The following FOXN3 variants were observed in gnomAD, a reference collection of about 807,000 sequenced individuals.
The protein encoded by FOXN3 is forkhead box N3.
FOXN3 carries 7 observed loss-of-function variants against 38.4 expected under a neutral mutation model. That is an observed-to-expected ratio of 0.18 (90% CI 0.10 to 0.34). FOXN3 has a LOEUF of 0.34. FOXN3 is among the 10% of genes least tolerant of loss of function. The pLI, the probability that FOXN3 is intolerant of heterozygous loss-of-function variation, is 1.00. For missense variants in FOXN3, 456 were observed against 613.4 expected, an observed-to-expected ratio of 0.74 and a Z score of 2.71; for synonymous variants, 230 against 242.2, an observed-to-expected ratio of 0.95 and a Z score of 0.47.
At chr14:89,194,630 T>C (rs1056499025) in intron 4 of FOXN3, among the ~76,000 whole-genome samples, 3 of 152,076 alleles carry the variant, frequency 2.0e-5, no homozygotes, top group African/African-American at 7.3e-5. Flanking sequence ...AGATAAGAGA[T>C]ACTATAATGC....
At chr14:89,508,202 A>G (rs919368018) in intron 1 of FOXN3, among the ~76,000 whole-genome samples, 11 of 152,200 alleles carry the variant, frequency 7.2e-5, no homozygotes, top group African/African-American at 2.2e-4. Context: ...CTGGGTGCAT[A>G]AGGGACCTGG....
chr14:89,235,443 T>C (rs1339672148), intron 4 of FOXN3, among the ~76,000 whole-genome samples: 1 of 152,196 alleles, frequency 6.6e-6, no homozygotes, highest in Non-Finnish European at 1.5e-5. Context: ...GTTGTGACCC[T>C]GGAGGTTTCC....
chr14:89,278,237 A>C (rs903990657), intron 4 of FOXN3, among the ~76,000 whole-genome samples: 23 of 152,208 alleles, frequency 1.5e-4, no homozygotes, highest in African/African-American at 5.6e-4. Flanking sequence ...AGGGAGAATG[A>C]AAGCCAAGCA....
intron 2 of FOXN3, among the ~76,000 whole-genome samples, chr14:89,376,632 C>A (rs1369737079): frequency 1.3e-5 from 2 of 152,168 alleles, no homozygotes; most frequent in African/African-American, 2.4e-5. Context: ...CCCTTGGCCG[C>A]TGATCAGACT....
Position 89,225,713 on chromosome 14 carries a change from G to A in FOXN3, c.746-44907C>T, listed in dbSNP as rs529158908. On this transcript the variant is annotated intron_variant, in intron 4 of 5. Coordinates refer to ENST00000557258, the MANE Select transcript of FOXN3 (RefSeq NM_005197.4). ...CCCTCACTGTCCTGAAGCATCATCC[G>A]CTGACCTGAGTTTGCCTTACACACA... Among the ~76,000 whole-genome samples the A allele has an allele frequency of 3.5e-3, 529 of 152,218 alleles. 3 individuals carry two copies. Among genetic ancestry groups the A allele is most frequent in the South Asian group, 0.018 (89 of 4,814 alleles).
chr14:89,373,818 T>C (rs1319641137), intron 2 of FOXN3, among the ~76,000 whole-genome samples: 2 of 152,212 alleles, frequency 1.3e-5, no homozygotes, highest in East Asian at 1.9e-4. Context: ...GTAAAAGTTT[T>C]ACTATTCAAA....
At chr14:89,544,378 A>T (rs2139852976) in intron 1 of FOXN3, among the ~76,000 whole-genome samples, 1 of 151,830 alleles carries the variant, frequency 6.6e-6, no homozygotes, top group Non-Finnish European at 1.5e-5. Context: ...CTGTCTCCCA[A>T]GCTGGAATGT....
intron 4 of FOXN3, among the ~76,000 whole-genome samples, chr14:89,235,675 G>A (rs1884957476): frequency 6.6e-6 from 1 of 152,170 alleles, no homozygotes; most frequent in African/African-American, 2.4e-5. Context: ...TAGTCCAGGT[G>A]GGCCCAGTGT....
At chr14:89,174,006 A>C (rs1282686406) in intron 5 of FOXN3, among the ~76,000 whole-genome samples, 5 of 152,140 alleles carry the variant, frequency 3.3e-5, no homozygotes, top group Non-Finnish European at 5.9e-5. Flanking sequence ...TAAATAAATA[A>C]ATAAAAATAA....
chr14:89,611,602 C>T (rs371261442), intron 1 of FOXN3, among the ~76,000 whole-genome samples: 21 of 152,140 alleles, frequency 1.4e-4, no homozygotes, highest in Middle Eastern at 3.4e-3. Flanking sequence ...GTCAGGAGAT[C>T]GAGACCATCC....
At chr14:89,360,980 T>C (rs371703246) in intron 2 of FOXN3, among the ~76,000 whole-genome samples, 6 of 362 alleles carry the variant, frequency 0.017, 1 homozygote, top group African/African-American at 0.031. Context: ...CCTCCACCAC[T>C]ACCACCTCCA....
chr14:89,404,883 CTAAT>C (rs1282047314), intron 2 of FOXN3, among the ~76,000 whole-genome samples: 1 of 152,182 alleles, frequency 6.6e-6, no homozygotes, highest in East Asian at 1.9e-4. Context: ...CAACATTACA[CTAAT>C]TCTTAGGAAT....
intron 2 of FOXN3, among the ~76,000 whole-genome samples, chr14:89,362,476 ACCACCACCACCACCACCACCATCT>A (rs1433520891): frequency 0.015 from 29 of 1,928 alleles, 9 homozygotes; most frequent in Non-Finnish European, 0.05. Context: ...CTCCTCCACC[ACCACCACCACCACCACCACCATCT>A]CCACCACCAC....
chr14:89,252,482 C>T (rs1375187912), intron 4 of FOXN3, among the ~76,000 whole-genome samples: 2 of 152,004 alleles, frequency 1.3e-5, no homozygotes, highest in Non-Finnish European at 2.9e-5. Flanking sequence ...TGGTGAAACC[C>T]CATCTCTACT....
intron 1 of FOXN3, among the ~76,000 whole-genome samples, chr14:89,571,249 C>T (rs556574378): frequency 1.3e-5 from 2 of 152,164 alleles, no homozygotes; most frequent in Non-Finnish European, 2.9e-5. Flanking sequence ...TGGCTCACGC[C>T]TGTAATCCCA....
At chr14:89,559,557 T>A (rs1032701337) in intron 1 of FOXN3, among the ~76,000 whole-genome samples, 6 of 152,084 alleles carry the variant, frequency 3.9e-5, no homozygotes, top group Non-Finnish European at 8.8e-5. Context: ...GTACCTGTAG[T>A]CCCAGCTACT....
At chr14:89,505,199 T>C (rs1893887472) in intron 1 of FOXN3, among the ~76,000 whole-genome samples, 1 of 152,174 alleles carries the variant, frequency 6.6e-6, no homozygotes, top group South Asian at 2.1e-4. Context: ...AGTTCTTTGC[T>C]TTAGTCTGTA....
chr14:89,434,767 A>T (rs146235539), intron 1 of FOXN3, among the ~76,000 whole-genome samples: 2 of 152,340 alleles, frequency 1.3e-5, no homozygotes, highest in Non-Finnish European at 2.9e-5. Context: ...CCACAAGGAC[A>T]AAAATCTGAT....
intron 1 of FOXN3, among the ~76,000 whole-genome samples, chr14:89,526,448 T>A (rs748810000): frequency 1.6e-4 from 25 of 152,134 alleles, no homozygotes; most frequent in Non-Finnish European, 3.2e-4. Context: ...AAAAAGCAGC[T>A]GTATTTCTAT....
Sources: allele counts gnomAD v4.1 joint callset (sites outside exome capture counted in the v4.1 genomes callset), GRCh38; gene constraint gnomAD v4.1.1; transcripts MANE v1.5; gene names NCBI Gene and HGNC (gene_info 2026-07-23, HGNC 2026-07-21).